WDR59: variants seen among roughly 807,000 people sequenced by gnomAD.
WDR59 encodes the protein WD repeat domain 59.
Under a neutral mutation model 131.2 loss-of-function variants are expected in WDR59, and 100 were observed. The observed-to-expected ratio is 0.76, with a 90% CI of 0.65 to 0.90. WDR59 has a LOEUF of 0.90. Ranked by LOEUF, WDR59 falls within the 40% of genes least tolerant of loss-of-function variation. WDR59 has a pLI of 0.00. For missense variants in WDR59, 1,203 were observed against 1,262.2 expected (o/e 0.95, Z 0.71); for synonymous variants, 601 against 466.2 (o/e 1.29, Z -3.72).
rs1567450971 is a variant in WDR59, at chr16:74,981,655, TA to T, written c.54+3308del. 3.6e-3 allele frequency among the ~76,000 whole-genome samples: 30 copies of T among 8,274 alleles called. 1 individual carries two copies. The highest frequency in any genetic ancestry group is 5.3e-3 in the African/African-American group (24 of 4,486). The allele number at this position is 8,274 out of a possible 152,430, so 5.4% of individuals were successfully genotyped here. A position where few individuals can be genotyped will look rare whatever the true frequency, so the allele number is the denominator to read the frequency against. ...ATATATATATATATATATATATATA[TA>T]TATATTTTTTTTTTTTTTAGATGGA... On this transcript the variant is annotated intron_variant, in intron 1 of 25. Transcript: ENST00000262144.
intron 8 of WDR59, among the ~76,000 whole-genome samples, chr16:74,928,767 G>T (rs1426169651): frequency 6.6e-6 from 1 of 151,948 alleles, no homozygotes; most frequent in African/African-American, 2.4e-5. Context: ...AAATAATCCG[G>T]GTGTGGTGGT....
intron 24 of WDR59, 80 bp downstream of exon 24, chr16:74,886,190 A>AAAAAAAAAAAAAAAG: frequency 2.8e-6 from 4 of 1,448,714 alleles, no homozygotes; most frequent in Non-Finnish European, 2.8e-6. Flanking sequence ...AAAAAAAAAA[A>AAAAAAAAAAAAAAAG]GTAAGAGTTG....
chr16:74,964,151 C>T (rs540206248), intron 2 of WDR59, among the ~76,000 whole-genome samples: 4 of 152,048 alleles, frequency 2.6e-5, no homozygotes, highest in Admixed American at 6.6e-5. Context: ...GAGAATAAGC[C>T]GGGCAGATCA....
At chr16:74,896,136 T>C (rs1965285627) in intron 18 of WDR59, among the ~76,000 whole-genome samples, 1 of 151,964 alleles carries the variant, frequency 6.6e-6, no homozygotes, top group Admixed American at 6.6e-5. Flanking sequence ...GAATGGAATA[T>C]GATCCATCTA....
intron 8 of WDR59, among the ~76,000 whole-genome samples, chr16:74,927,114 T>C (rs547993346): frequency 1.5e-3 from 228 of 152,302 alleles, no homozygotes; most frequent in Non-Finnish European, 2.4e-3. Context: ...TGGGAAGAGA[T>C]GAATGCAATC....
At chr16:74,911,542 T>G (rs958212298) in intron 14 of WDR59, among the ~76,000 whole-genome samples, 1 of 152,130 alleles carries the variant, frequency 6.6e-6, no homozygotes, top group African/African-American at 2.4e-5. Flanking sequence ...TTCCACCTGA[T>G]TTGCTCTGGA....
chr16:74,885,696 C>T lies in WDR59; in HGVS notation c.2646G>A (p.Val882=), dbSNP rs148977214. Residue 882 remains valine (V), a synonymous_variant, in exon 25 of 26, where the codon GTG becomes GTA. Coordinates refer to ENST00000262144, the MANE Select transcript of WDR59 (RefSeq NM_030581.4). ...CAGGAGGACAGGAGACAAACTTCAA[C>T]ACTTCAGCTCGCTTCTCTCTCAGAC... The part of the protein sequence containing the change: ...RWGLREKRAE[V]LKFVSCPPDP... 8 of 1,614,130 alleles carry T rather than the reference C, an allele frequency of 5.0e-6. No homozygotes were observed. The East Asian group carries it at 8.9e-5, about 18-fold the overall frequency.
intron 23 of WDR59, 84 bp downstream of exon 23, chr16:74,887,599 G>T: frequency 8.0e-7 from 1 of 1,255,342 alleles, no homozygotes; most frequent in South Asian, 1.3e-5. Flanking sequence ...AAAATATGGA[G>T]ACTAAGCATC....
chr16:74,876,478 C>T (rs1000708188), intron 25 of WDR59, among the ~76,000 whole-genome samples: 7 of 152,154 alleles, frequency 4.6e-5, no homozygotes, highest in African/African-American at 1.2e-4. Flanking sequence ...CTTGAGATAA[C>T]TGTAAACTTA....
chr16:74,874,535 T>G, intron 25 of WDR59, 91 bp from the exon 26 acceptor site: 2 of 1,035,984 alleles, frequency 1.9e-6, no homozygotes, highest in Non-Finnish European at 2.9e-6. Context: ...AAGGAAGTCT[T>G]CCTCTCAAGA....
At chr16:74,983,131 C>T (rs2034491163) in intron 1 of WDR59, among the ~76,000 whole-genome samples, 1 of 152,092 alleles carries the variant, frequency 6.6e-6, no homozygotes, top group Admixed American at 6.6e-5. Context: ...TCGCCTGAGG[C>T]CAGGGGTTCA....
chr16:74,965,930 C>T (rs2033756898), intron 1 of WDR59, 108 bp from the exon 2 acceptor site: 23 of 1,149,366 alleles, frequency 2.0e-5, no homozygotes, highest in Admixed American at 5.6e-5. Flanking sequence ...GTCCCCAGCT[C>T]GCAGGTATCA....
chr16:74,877,870 A>G (rs1459754953), intron 25 of WDR59, among the ~76,000 whole-genome samples: 1 of 152,202 alleles, frequency 6.6e-6, no homozygotes, highest in Non-Finnish European at 1.5e-5. Context: ...AAATAACATC[A>G]TTCTGAACCA....
intron 1 of WDR59, among the ~76,000 whole-genome samples, chr16:74,982,581 G>C (rs1392788587): frequency 6.6e-6 from 1 of 152,268 alleles, no homozygotes; most frequent in Non-Finnish European, 1.5e-5. Context: ...CAGATTAGTA[G>C]CTTCCAAATT....
At chr16:74,935,867 T>C (rs2031757611) in intron 8 of WDR59, among the ~76,000 whole-genome samples, 1 of 151,948 alleles carries the variant, frequency 6.6e-6, no homozygotes, top group African/African-American at 2.4e-5. Flanking sequence ...CATGGTGGCA[T>C]GCACCTATAA....
In WDR59 at chr16:74,881,486, C is replaced by G. The variant is rs564804373; in HGVS notation, c.2689+4167G>C. Among the ~76,000 whole-genome samples, 36 of 152,164 alleles carry G rather than the reference C, an allele frequency of 2.4e-4. No homozygotes were observed. In the South Asian group the frequency reaches 6.6e-3, roughly 28 times the overall value. On this transcript the variant is annotated intron_variant, in intron 25 of 25. Coordinates refer to ENST00000262144, the MANE Select transcript of WDR59 (RefSeq NM_030581.4). ...GGATTACAGGTGTGTGCAGCTGCAC[C>G]TAGCCTATACTTTTCTTTCAATACC...
intron 8 of WDR59, among the ~76,000 whole-genome samples, chr16:74,931,633 G>A (rs548688268): frequency 5.9e-5 from 9 of 152,030 alleles, no homozygotes; most frequent in Non-Finnish European, 1.2e-4. Flanking sequence ...CACTGCACCC[G>A]GCTGAACTTT....
At chr16:74,896,306 ATGAG>A (rs1324614453) in intron 18 of WDR59, among the ~76,000 whole-genome samples, 1 of 152,290 alleles carries the variant, frequency 6.6e-6, no homozygotes, top group East Asian at 1.9e-4. Flanking sequence ...TCAATGAAGG[ATGAG>A]GTCTACTAGC....
intron 19 of WDR59, among the ~76,000 whole-genome samples, chr16:74,892,878 G>A (rs1410558938): frequency 6.6e-6 from 1 of 152,172 alleles, no homozygotes; most frequent in Non-Finnish European, 1.5e-5. Flanking sequence ...CGTGAGGGTT[G>A]AATAAAAATG....
Sources: allele counts gnomAD v4.1 joint callset (sites outside exome capture counted in the v4.1 genomes callset), GRCh38; gene constraint gnomAD v4.1.1; transcripts MANE v1.5; gene names NCBI Gene and HGNC (gene_info 2026-07-23, HGNC 2026-07-21).